ARHGEF10L: variants seen among roughly 807,000 people sequenced by gnomAD.
ARHGEF10L encodes Rho guanine nucleotide exchange factor 10 like.
A neutral mutation model predicts 141.2 loss-of-function variants in ARHGEF10L; 69 were observed. The observed-to-expected ratio is 0.49, with a 90% confidence interval of 0.40 to 0.60. ARHGEF10L has a LOEUF of 0.60. Ranked by LOEUF, ARHGEF10L falls within the 20% of genes least tolerant of loss-of-function variation. The pLI, the probability that ARHGEF10L is intolerant of heterozygous loss-of-function variation, is 0.00. For synonymous variants in ARHGEF10L, 711 were observed against 718.5 expected (o/e 0.99, Z 0.17); for missense variants, 1,482 against 1,734.3 (o/e 0.85, Z 2.58).
chr1:17,696,859 G>T lies in ARHGEF10L; in HGVS notation c.3319G>T (p.Val1107Phe). 28 of 1,556,120 alleles carry T rather than the reference G, an allele frequency of 1.8e-5. No homozygotes were observed. Among genetic ancestry groups the T allele is most frequent in the Non-Finnish European group, 2.4e-5 (28 of 1,149,684 alleles). The change falls in exon 29 of 29, where the codon GTC becomes TTC. Residue 1107 changes from valine to phenylalanine, a missense_variant. By Grantham distance (50) the Val-to-Phe change is conservative. Transcript: ENST00000361221. ...CCCATTTTCTGCAGGGAAAGGCATG[G>T]TCTCACTCAACGGGCACTGTGGGCC... is the stretch of plus-strand genomic sequence containing the variant. Reference protein sequence around the residue: ...GIPKITGKGMVSLNGHCGPVA... With the variant: ...GIPKITGKGMFSLNGHCGPVA...
chr1:17,638,618 G>C lies in ARHGEF10L; in HGVS notation c.2100G>C (p.Arg700=). 1 of 1,614,182 alleles carries C rather than the reference G, an allele frequency of 6.2e-7. No individual in the cohort carries two copies. Among genetic ancestry groups the C allele is most frequent in the Non-Finnish European group, 8.5e-7 (1 of 1,180,038 alleles). The part of the protein sequence containing the change: ...DWCLALQRLM[R]VKEEEIHSAN... ...GCCTGGCCCTGCAGAGGCTGATGCG[G>C]GTGAAGGAGGAAGAGATCCACTCGG... Residue 700 remains arginine (R), a synonymous_variant, in exon 20 of 29, where the codon CGG becomes CGC. Coordinates refer to ENST00000361221, the MANE Select transcript of ARHGEF10L (RefSeq NM_018125.4).
Position 17,656,180 on chromosome 1 carries a change from C to T in ARHGEF10L, c.2705+78C>T, listed in dbSNP as rs565007428. The T allele has an allele frequency of 2.8e-5, 41 of 1,442,230 alleles. No individual in the cohort carries two copies. The highest frequency in any genetic ancestry group is 5.0e-5 in the East Asian group (2 of 40,190). 89.3% of individuals were successfully genotyped at this position (1,442,230 alleles called of 1,614,324 possible). A position where few individuals can be genotyped will look rare whatever the true frequency, so the allele number is the denominator to read the frequency against. ...GGTGGGGGCTGTCCCTGTAGCCTTC[C>T]GGATCTGCCTGTTGCCCACCAACAT... On this transcript the variant is annotated intron_variant, in intron 24 of 28. Transcript: ENST00000361221. This position sits in a 1 kb window ranked among gnomAD's most constrained non-coding sequence, Gnocchi z 4.9.
intron 26 of ARHGEF10L, among the ~76,000 whole-genome samples, chr1:17,675,812 G>C (rs1219173219): frequency 2.0e-5 from 3 of 150,040 alleles, no homozygotes; most frequent in Non-Finnish European, 4.4e-5. Flanking sequence ...ACAGGCATGG[G>C]TGCAGGTGTG....
upstream of ARHGEF10L, among the ~76,000 whole-genome samples, chr1:17,537,103 A>G (rs1432166953): frequency 6.6e-6 from 1 of 151,954 alleles, no homozygotes; most frequent in African/African-American, 2.4e-5. Flanking sequence ...TATGTTGCCC[A>G]GGCTGGTCTA....
chr1:17,578,400 T>G (rs192023336), intron 1 of ARHGEF10L, among the ~76,000 whole-genome samples: 21 of 152,320 alleles, frequency 1.4e-4, no homozygotes, highest in Admixed American at 5.2e-4. Context: ...CAGTGAGAAA[T>G]GCAGGCAGGT....
At chr1:17,574,466 G>A (rs2100407125) in intron 1 of ARHGEF10L, among the ~76,000 whole-genome samples, 1 of 152,314 alleles carries the variant, frequency 6.6e-6, no homozygotes, top group Admixed American at 6.5e-5. Context: ...GGAACCGTGG[G>A]AAGGAAACTG....
Position 17,573,697 on chromosome 1 carries a change from G to A in ARHGEF10L, c.-43-6856G>A, listed in dbSNP as rs970153129. Among the ~76,000 whole-genome samples, 37 of 152,016 alleles carry A rather than the reference G, an allele frequency of 2.4e-4. No individual in the cohort carries two copies. Among genetic ancestry groups the A allele is most frequent in the Non-Finnish European group, 3.8e-4 (26 of 67,984 alleles). Reference sequence around the variant, plus strand: ...GCTGGCTCTGGTTTCCCAGGCAACAGCCCCCAGGGGTCCCCTCTGGCCTGG... The same window carrying A: ...GCTGGCTCTGGTTTCCCAGGCAACAACCCCCAGGGGTCCCCTCTGGCCTGG... On this transcript the variant is annotated intron_variant, in intron 1 of 28. Transcript: ENST00000361221. The surrounding 1 kb of genome is among the most constrained non-coding windows in gnomAD (Gnocchi z 4.8).
At chr1:17,676,096 A>C in intron 26 of ARHGEF10L, among the ~76,000 whole-genome samples, 1 of 55,632 alleles carries the variant, frequency 1.8e-5, no homozygotes, top group Non-Finnish European at 3.6e-5. Flanking sequence ...GTGCGGGTGT[A>C]GGTGCAGGTG....
chr1:17,616,235 C>A, intron 9 of ARHGEF10L, 33 bp downstream of exon 9: 1 of 1,554,612 alleles, frequency 6.4e-7, no homozygotes, highest in Non-Finnish European at 8.9e-7. Context: ...GGGTCTGGTG[C>A]CCAGCTCTGA....
Position 17,607,354 on chromosome 1 carries a change from A to G in ARHGEF10L, c.434-448A>G, listed in dbSNP as rs556712135. Among the ~76,000 whole-genome samples, 1 of 152,322 alleles carries G rather than the reference A, an allele frequency of 6.6e-6. No homozygotes were observed. The highest frequency in any genetic ancestry group is 2.4e-5 in the African/African-American group (1 of 41,566). On this transcript the variant is annotated intron_variant, in intron 6 of 28. Coordinates refer to ENST00000361221, the MANE Select transcript of ARHGEF10L (RefSeq NM_018125.4). This position sits in a 1 kb window ranked among gnomAD's most constrained non-coding sequence, Gnocchi z 4.5. Reference sequence around the variant, plus strand: ...GCTGGGTGTGATGGTGCACACCTGTAGTCCCGGCTACCTGGGAAGCTGAGA... The same window carrying G: ...GCTGGGTGTGATGGTGCACACCTGTGGTCCCGGCTACCTGGGAAGCTGAGA...
At chr1:17,590,413 T>C (rs1383061842) in intron 4 of ARHGEF10L, among the ~76,000 whole-genome samples, 1 of 152,082 alleles carries the variant, frequency 6.6e-6, no homozygotes, top group Non-Finnish European at 1.5e-5. Context: ...GTGAGGTCCC[T>C]TCCCTTGACA....
At chr1:17,652,701 G>T (rs2062005653) in intron 22 of ARHGEF10L, among the ~76,000 whole-genome samples, 1 of 152,138 alleles carries the variant, frequency 6.6e-6, no homozygotes, top group Admixed American at 6.5e-5. Flanking sequence ...TGGCAGGAGG[G>T]CAGGGAGGGT....
the ARHGEF10L span, among the ~76,000 whole-genome samples, chr1:17,529,667 G>A: frequency 3.3e-5 from 5 of 152,156 alleles, no homozygotes; most frequent in Non-Finnish European, 7.4e-5. Context: ...CAGGCTATCT[G>A]GGAAGTTCCT....
intron 4 of ARHGEF10L, among the ~76,000 whole-genome samples, chr1:17,597,297 G>A (rs1446439587): frequency 6.6e-6 from 1 of 152,068 alleles, no homozygotes; most frequent in East Asian, 1.9e-4. Flanking sequence ...TTTATGACCC[G>A]GAGGCCCCTG....
intron 23 of ARHGEF10L, 69 bp from the exon 24 acceptor site, chr1:17,655,810 G>A: frequency 7.1e-7 from 1 of 1,408,990 alleles, no homozygotes; most frequent in South Asian, 1.3e-5. Context: ...GGGAAAGCAG[G>A]GGCTGAGGTC....
rs189448096 is a variant in ARHGEF10L, at chr1:17,547,392, C to T, written c.-44+7442C>T. Among the ~76,000 whole-genome samples the T allele has an allele frequency of 1.5e-3, 223 of 152,332 alleles. 4 individuals are homozygous for T. Among genetic ancestry groups the T allele is most frequent in the African/African-American group, 5.2e-3 (216 of 41,592 alleles). ...TTTCTGAGTTTTGGAACCCCTCTTT[C>T]TCCTTGAGAGCCTGGCCCCAGAGTG... On this transcript the variant is annotated intron_variant, in intron 1 of 28. Transcript: ENST00000361221.
At chr1:17,628,596 G>T (rs896082076) in intron 15 of ARHGEF10L, among the ~76,000 whole-genome samples, 8 of 152,206 alleles carry the variant, frequency 5.3e-5, no homozygotes, top group Admixed American at 4.6e-4. Flanking sequence ...CACATTGCAG[G>T]ACTGTTCTTT....
chr1:17,614,208 G>C (rs2059686936), intron 8 of ARHGEF10L, among the ~76,000 whole-genome samples: 1 of 150,914 alleles, frequency 6.6e-6, no homozygotes, highest in African/African-American at 2.5e-5. Flanking sequence ...AAGCCTTCCA[G>C]GAGGAGGAGA....
chr1:17,588,100 A>G (rs2079178722), intron 3 of ARHGEF10L, among the ~76,000 whole-genome samples: 2 of 152,252 alleles, frequency 1.3e-5, no homozygotes, highest in East Asian at 3.9e-4. Context: ...TCTGAGAGAG[A>G]GAATCTGGGG....
Sources: allele counts gnomAD v4.1 joint callset (sites outside exome capture counted in the v4.1 genomes callset), GRCh38; gene constraint gnomAD v4.1.1; non-coding constraint Gnocchi (gnomAD v3.1); transcripts MANE v1.5; gene names NCBI Gene and HGNC (gene_info 2026-07-23, HGNC 2026-07-21).